Variants in ANKRD36 observed in about 807,000 individuals in gnomAD.
ANKRD36 encodes the protein ankyrin repeat domain 36, also known as ankyrin repeat domain-containing protein 36A.
ANKRD36 carries 179 observed loss-of-function variants against 278.1 expected under a neutral mutation model. That is an observed-to-expected ratio of 0.64 (90% CI 0.57 to 0.73). The LOEUF (loss-of-function observed/expected upper bound fraction) is 0.73, where lower values mean the gene tolerates loss of function less well. Among genes scored for constraint, ANKRD36 ranks in the 30% least tolerant of loss-of-function variants. The pLI is 0.00. For synonymous variants in ANKRD36, 320 were observed against 641.1 expected (o/e 0.50, Z 7.57); for missense variants, 1,159 against 1,956.7 (o/e 0.59, Z 7.69).
chr2:97,215,849 A>T lies in ANKRD36; in HGVS notation c.3673+352A>T, dbSNP rs575697179. 22 of 591,464 alleles carry T rather than the reference A, an allele frequency of 3.7e-5. 1 individual carries two copies. The highest frequency in any genetic ancestry group is 3.1e-4 in the South Asian group (15 of 47,724). 36.6% of individuals were successfully genotyped at this position (591,464 alleles called of 1,614,324 possible). ...AAGTAATAGATATTATAGGCGTCAG[A>T]TCATATTGTTATAAACAGAGGGAAA... On this transcript the variant is annotated intron_variant, in intron 62 of 75. Coordinates refer to ENST00000420699, the MANE Select transcript of ANKRD36 (RefSeq NM_001354587.1).
At chr2:97,190,926 A>G (rs2058377296) in intron 34 of ANKRD36, 52 bp from the exon 35 acceptor site, 22 of 1,592,326 alleles carry the variant, frequency 1.4e-5, no homozygotes, top group Non-Finnish European at 1.7e-5. Context: ...ATGTATGGAT[A>G]ACTTTATCAT....
Position 97,122,930 on chromosome 2 carries a change from T to A in ANKRD36, c.530T>A (p.Val177Glu). ...TTATTTGCTGTGAGTCGAAGAAAAG[T>A]GAAAATGGTGGAATTTTTATTAAAG... ...PLLFAVSRRK[V>E]KMVEFLLKKK... The change falls in exon 4 of 76, where the codon GTG becomes GAG. Residue 177 changes from valine to glutamate, a missense_variant. Coordinates refer to ENST00000420699, the MANE Select transcript of ANKRD36 (RefSeq NM_001354587.1). The A allele has an allele frequency of 6.5e-7, 1 of 1,545,122 alleles. No individual in the cohort carries two copies. The highest frequency in any genetic ancestry group is 1.7e-4 in the Middle Eastern group (1 of 5,966).
At chr2:97,142,051 C>T in intron 6 of ANKRD36, among the ~76,000 whole-genome samples, 1 of 152,354 alleles carries the variant, frequency 6.6e-6, no homozygotes. Flanking sequence ...TATTACACCA[C>T]ATGGTTCTGA....
At chr2:97,209,275 A>G (rs2063710126) in intron 54 of ANKRD36, among the ~76,000 whole-genome samples, 1 of 146,488 alleles carries the variant, frequency 6.8e-6, no homozygotes. Context: ...TGTTTGTAGT[A>G]TAATGGTGTA....
chr2:97,188,341 T>C (rs1376250261), intron 32 of ANKRD36, among the ~76,000 whole-genome samples: 1 of 151,246 alleles, frequency 6.6e-6, no homozygotes, highest in Non-Finnish European at 1.5e-5. Context: ...TAATATCTAA[T>C]GCTTGTAGCA....
At chr2:97,202,098 T>C in intron 46 of ANKRD36, 104 bp from the exon 47 acceptor site, 1 of 1,575,926 alleles carries the variant, frequency 6.3e-7, no homozygotes. Flanking sequence ...AGGCCTATGC[T>C]AATACAGGCA....
At chr2:97,232,756 CA>C (rs1477153888) in intron 67 of ANKRD36, among the ~76,000 whole-genome samples, 1 of 149,896 alleles carries the variant, frequency 6.7e-6, no homozygotes, top group Non-Finnish European at 1.5e-5. Flanking sequence ...AAAACGACAA[CA>C]AACCAGATAC....
At chr2:97,227,324 C>T (rs1049399411) in intron 67 of ANKRD36, among the ~76,000 whole-genome samples, 1 of 152,102 alleles carries the variant, frequency 6.6e-6, no homozygotes, top group Admixed American at 6.5e-5. Flanking sequence ...TGTAGTTCTC[C>T]TTGAAGAGGT....
chr2:97,240,983 T>TG, intron 68 of ANKRD36, among the ~76,000 whole-genome samples: 1 of 11,518 alleles, frequency 8.7e-5, no homozygotes, highest in Non-Finnish European at 1.4e-4. Context: ...CATAACTATG[T>TG]TTTTTTTTTT....
chr2:97,220,817 T>C (rs1452861617), intron 66 of ANKRD36, among the ~76,000 whole-genome samples: 1 of 146,460 alleles, frequency 6.8e-6, no homozygotes, highest in Non-Finnish European at 1.5e-5. Flanking sequence ...AGGGTACATG[T>C]GCACATTGTG....
intron 8 of ANKRD36, among the ~76,000 whole-genome samples, chr2:97,143,201 C>T (rs747753491): frequency 6.6e-6 from 1 of 151,734 alleles, no homozygotes; most frequent in South Asian, 2.1e-4. Context: ...GTTAAAACCA[C>T]ATGGAAGAAG....
At chr2:97,194,343 T>C (rs2059196076) in intron 38 of ANKRD36, among the ~76,000 whole-genome samples, 1 of 151,646 alleles carries the variant, frequency 6.6e-6, no homozygotes, top group Admixed American at 6.6e-5. Flanking sequence ...CCTTTTGATT[T>C]GTTGCATGAA....
At chr2:97,203,394 A>G (rs528542060) in intron 48 of ANKRD36, among the ~76,000 whole-genome samples, 63 of 151,948 alleles carry the variant, frequency 4.1e-4, no homozygotes, top group Non-Finnish European at 7.8e-4. Context: ...TGAGGCTAAT[A>G]TATTATCCCT....
intron 58 of ANKRD36, chr2:97,212,994 G>T: frequency 2.8e-6 from 1 of 357,796 alleles, no homozygotes; most frequent in Admixed American, 4.5e-5. Flanking sequence ...AAGTTAAAGA[G>T]CATGATGAAT....
Position 97,158,130 on chromosome 2 carries a change from G to T in ANKRD36, c.1284G>T (p.Thr428=). 2 of 1,514,220 alleles carry T rather than the reference G, an allele frequency of 1.3e-6. No homozygotes were observed. Among genetic ancestry groups the T allele is most frequent in the African/African-American group, 1.4e-5 (1 of 72,554 alleles). 93.8% of individuals were successfully genotyped at this position (1,514,220 alleles called of 1,614,324 possible). The change falls in exon 16 of 76, where the codon ACG becomes ACT. Residue 428 remains threonine, a synonymous_variant. Transcript: ENST00000420699. ...ESENISEPYF[T]NRRTISQQSA... ...AGAATATTTCAGAACCATACTTTAC[G>T]AACAGAAGGACTATTTCTCAACAAT...
At chr2:97,203,076 C>T (rs1483526495) in intron 48 of ANKRD36, among the ~76,000 whole-genome samples, 2 of 151,812 alleles carry the variant, frequency 1.3e-5, no homozygotes, top group South Asian at 2.1e-4. Flanking sequence ...ATCAGAGATA[C>T]ATGTTTTGTT....
intron 30 of ANKRD36, among the ~76,000 whole-genome samples, chr2:97,185,973 T>C (rs2057345136): frequency 6.6e-6 from 1 of 151,758 alleles, no homozygotes; most frequent in Non-Finnish European, 1.5e-5. Context: ...GGAAGAGGGT[T>C]GTGAGGCAGG....
At position 97,113,769 on chromosome 2, in the gene ANKRD36, C is replaced by G; in HGVS notation, c.30C>G (p.Pro10=). MEDGKRERW[P]TLMERLCSDG... ...AAGACGGCAAGCGGGAGAGGTGGCC[C>G]ACCCTCATGGAGCGCTTGTGCTCGG... Residue 10 remains proline, a synonymous_variant, in exon 1 of 76, where the codon CCC becomes CCG. Transcript: ENST00000420699. 2.5e-6 allele frequency: 4 copies of G among 1,612,868 alleles called. No homozygotes were observed.
chr2:97,124,408 C>T lies in ANKRD36; in HGVS notation c.594-52C>T, dbSNP rs2037947513. 3.9e-6 allele frequency: 6 copies of T among 1,527,712 alleles called. No homozygotes were observed. The Admixed American group carries it at 1.3e-4, about 33-fold the overall frequency. 94.6% of individuals were successfully genotyped at this position (1,527,712 alleles called of 1,614,324 possible). A position where few individuals can be genotyped will look rare whatever the true frequency, so the allele number is the denominator to read the frequency against. ...ATATTAAGTTGATAAAGTATATAAA[C>T]TTAGCTTTTAAAATGTCATTAAAGT... is the stretch of plus-strand genomic sequence containing the variant. On this transcript the variant is annotated intron_variant, in intron 4 of 75. Transcript: ENST00000420699.
Sources: gnomAD v4.1 joint callset for allele counts (sites outside exome capture counted in the v4.1 genomes callset) on GRCh38, gnomAD v4.1.1 for gene constraint, MANE v1.5 for transcripts, NCBI Gene and HGNC (gene_info 2026-07-23, HGNC 2026-07-21) for gene names.